Variants in ADGB observed in about 807,000 individuals in gnomAD.
ADGB encodes the protein calpain-7-like protein.
In ADGB, 172 loss-of-function variants were observed where a neutral mutation model predicts 210.5. The observed-to-expected ratio is 0.82, with a 90% confidence interval of 0.72 to 0.93. The LOEUF is 0.93. Ranked by LOEUF, ADGB falls within the 40% of genes least tolerant of loss-of-function variation. The pLI, the probability that ADGB is intolerant of heterozygous loss-of-function variation, is 0.00. For missense variants in ADGB, 2,025 were observed against 1,964.8 expected (o/e 1.03, Z -0.58); for synonymous variants, 658 against 662.7 (o/e 0.99, Z 0.11).
chr6:146,601,556 C>T (rs902685769), intron 1 of ADGB, among the ~76,000 whole-genome samples: 9 of 152,248 alleles, frequency 5.9e-5, no homozygotes, highest in African/African-American at 9.6e-5. Flanking sequence ...TCTAGCAAGG[C>T]TCTAGTATGA....
intron 18 of ADGB, 172 bp from the exon 19 acceptor site, chr6:146,725,911 A>G (rs905694263): frequency 2.1e-6 from 1 of 475,496 alleles, no homozygotes; most frequent in Non-Finnish European, 3.8e-6. Context: ...ATGATCCCGT[A>G]GGGTTCTTAT....
intron 18 of ADGB, 51 bp downstream of exon 18, chr6:146,724,378 A>T: frequency 6.8e-7 from 1 of 1,474,534 alleles, no homozygotes; most frequent in Non-Finnish European, 9.0e-7. Context: ...GAAGGCTTGC[A>T]AATTGTTGGT....
intron 27 of ADGB, among the ~76,000 whole-genome samples, chr6:146,757,700 T>C (rs1425941140): frequency 6.6e-6 from 1 of 151,756 alleles, no homozygotes; most frequent in Non-Finnish European, 1.5e-5. Flanking sequence ...TTTAAAACTT[T>C]TAAAATTTAA....
At chr6:146,772,820 G>A (rs1200258863) in intron 29 of ADGB, among the ~76,000 whole-genome samples, 1 of 151,960 alleles carries the variant, frequency 6.6e-6, no homozygotes, top group Non-Finnish European at 1.5e-5. Flanking sequence ...TGAAATGTGT[G>A]GAGGAAGTGA....
rs1583649116 is a variant in ADGB at position 146,806,929 on chromosome 6, G to A, written c.4818+4918G>A. Among the ~76,000 whole-genome samples, 3 of 152,280 alleles carry A rather than the reference G, an allele frequency of 2.0e-5. No homozygotes were observed. The Middle Eastern group carries it at 0.01, about 518-fold the overall frequency. On this transcript the variant is annotated intron_variant, in intron 35 of 35. Coordinates refer to ENST00000397944, the MANE Select transcript of ADGB (RefSeq NM_024694.4). ...ATAAGGCCTTGGTATCCTTGATGAAGAATGAAAGTCAAGCTGACAAGAGCA... is the reference window on the plus strand; with the variant it reads ...ATAAGGCCTTGGTATCCTTGATGAAAAATGAAAGTCAAGCTGACAAGAGCA...
Position 146,752,649 on chromosome 6 carries a change from GA to G in ADGB, c.3489del (p.Gly1164AlafsTer4). 1 of 1,550,854 alleles carries G rather than the reference GA, an allele frequency of 6.4e-7. No homozygotes were observed. ...GAAGAAACTATGGTGAGCTCCACTG[GA>G]AAAGGCCAAGCTATAATCCCAGCAT... ...ENEETMVSST[G>X]KGQAIIPAFH... On this transcript the variant is annotated frameshift_variant, in exon 27 of 36. Coordinates refer to ENST00000397944, the MANE Select transcript of ADGB (RefSeq NM_024694.4). LOFTEE classifies it high-confidence loss of function.
At chr6:146,712,601 C>A (rs1776674451) in intron 13 of ADGB, among the ~76,000 whole-genome samples, 1 of 151,970 alleles carries the variant, frequency 6.6e-6, no homozygotes, top group Non-Finnish European at 1.5e-5. Context: ...TTTTCTTATA[C>A]CACTTCCTCA....
intron 18 of ADGB, chr6:146,724,672 TA>T (rs1225918361): frequency 6.5e-6 from 1 of 154,518 alleles, no homozygotes; most frequent in African/African-American, 2.4e-5. Flanking sequence ...AATTTTCTCA[TA>T]AATATTTCTT....
intron 35 of ADGB, among the ~76,000 whole-genome samples, chr6:146,812,048 A>G (rs1467809796): frequency 1.3e-5 from 2 of 152,236 alleles, no homozygotes; most frequent in South Asian, 2.1e-4. Flanking sequence ...AAGCTCTGAT[A>G]GTTTCTTTGT....
intron 2 of ADGB, among the ~76,000 whole-genome samples, chr6:146,643,476 AT>A (rs957016050): frequency 5.3e-5 from 8 of 151,854 alleles, no homozygotes; most frequent in African/African-American, 1.9e-4. Context: ...TTTTAATATT[AT>A]TTTTTGTAAG....
At chr6:146,662,793 G>A (rs1263854325) in intron 5 of ADGB, among the ~76,000 whole-genome samples, 6 of 151,370 alleles carry the variant, frequency 4.0e-5, no homozygotes, top group African/African-American at 1.2e-4. Context: ...GGCACATCCT[G>A]GCTCACATTT....
chr6:146,731,102 T>TA (rs1378262386), intron 20 of ADGB, among the ~76,000 whole-genome samples: 2 of 152,194 alleles, frequency 1.3e-5, no homozygotes, highest in East Asian at 1.9e-4. Context: ...TTAAGCCCCT[T>TA]ACTTTTTAAT....
At chr6:146,700,811 G>T in intron 12 of ADGB, 130 bp from the exon 13 acceptor site, 1 of 1,083,120 alleles carries the variant, frequency 9.2e-7, no homozygotes, top group Non-Finnish European at 1.3e-6. Context: ...ATTACTGGTA[G>T]TAAAAGAATG....
At chr6:146,675,433 C>T (rs1776071610) in intron 8 of ADGB, among the ~76,000 whole-genome samples, 1 of 151,786 alleles carries the variant, frequency 6.6e-6, no homozygotes, top group East Asian at 1.9e-4. Flanking sequence ...TGAGACCTCG[C>T]CACTGCACTC....
chr6:146,703,297 T>A (rs1477883244), intron 13 of ADGB, among the ~76,000 whole-genome samples: 1 of 151,966 alleles, frequency 6.6e-6, no homozygotes, highest in East Asian at 1.9e-4. Flanking sequence ...TAAAACATGA[T>A]GTTTTGAAAT....
At chr6:146,692,739 A>G in intron 11 of ADGB, 86 bp from the exon 12 acceptor site, 2 of 675,806 alleles carry the variant, frequency 3.0e-6, no homozygotes, top group South Asian at 2.0e-5. Flanking sequence ...TAATCTATCC[A>G]GCACTGTATT....
intron 35 of ADGB, 82 bp from the exon 36 acceptor site, chr6:146,814,938 TAAGGACAGGGTA>T (rs1778360752): frequency 1.0e-5 from 13 of 1,253,306 alleles, no homozygotes; most frequent in Non-Finnish European, 1.4e-5. Context: ...TGTGTGGGCG[TAAGGACAGGGTA>T]AAGGAATTTC....
chr6:146,788,441 T>C lies in ADGB; in HGVS notation c.4368T>C (p.Gly1456=). 1 of 1,551,456 alleles carries C rather than the reference T, an allele frequency of 6.4e-7. No homozygotes were observed. Among genetic ancestry groups the C allele is most frequent in the Non-Finnish European group, 8.7e-7 (1 of 1,146,918 alleles). The change falls in exon 33 of 36, where the codon GGT becomes GGC. Residue 1456 remains glycine (G), a synonymous_variant. Transcript: ENST00000397944. ...AACCAAACTCAAAGAATTCTGCAGG[T>C]TCAGAGAGCAAAGAGATGACACAAA... The part of the protein sequence containing the change: ...VKEPNSKNSA[G]SESKEMTQTG...
chr6:146,627,625 T>G (rs548154441), intron 1 of ADGB, among the ~76,000 whole-genome samples: 121 of 152,276 alleles, frequency 7.9e-4, no homozygotes, highest in African/African-American at 2.7e-3. Flanking sequence ...GCGTGAGTCC[T>G]CAGATTCTCT....
Sources: allele counts gnomAD v4.1 joint callset (sites outside exome capture counted in the v4.1 genomes callset), GRCh38; gene constraint gnomAD v4.1.1; transcripts MANE v1.5; gene names NCBI Gene and HGNC (gene_info 2026-07-23, HGNC 2026-07-21).